HMCN1: variants seen among roughly 807,000 people sequenced by gnomAD.
HMCN1 encodes the protein hemicentin-1.
In HMCN1, 321 loss-of-function variants were observed where a neutral mutation model predicts 625.9. The ratio of observed to expected loss-of-function variants is 0.51; its 90% CI spans 0.47 to 0.56. HMCN1 has a LOEUF of 0.56. Among genes scored for constraint, HMCN1 ranks in the 20% least tolerant of loss-of-function variants. The probability of loss-of-function intolerance (pLI) is 0.00; values close to 1 mark genes in which losing one functional copy is unlikely to be tolerated. For missense variants in HMCN1, 6,588 were observed against 6,887.3 expected (o/e 0.96, Z 1.54); for synonymous variants, 2,425 against 2,417.6 (o/e 1.00, Z -0.09).
At chr1:185,846,974 T>A (rs1661860672) in intron 2 of HMCN1, among the ~76,000 whole-genome samples, 1 of 152,144 alleles carries the variant, frequency 6.6e-6, no homozygotes, top group Admixed American at 6.5e-5. Context: ...AATTCAGACA[T>A]CTTAATCAAC....
intron 30 of HMCN1, among the ~76,000 whole-genome samples, chr1:186,013,914 T>C (rs1414805840): frequency 6.6e-6 from 1 of 152,094 alleles, no homozygotes; most frequent in Non-Finnish European, 1.5e-5. Flanking sequence ...AGAAGAATTA[T>C]AAATAAATTA....
Position 186,070,722 on chromosome 1 carries a change from C to A in HMCN1, c.8104C>A (p.Pro2702Thr). 1 of 1,613,870 alleles carries A rather than the reference C, an allele frequency of 6.2e-7. No homozygotes were observed. Among genetic ancestry groups the A allele is most frequent in the Non-Finnish European group, 8.5e-7 (1 of 1,179,838 alleles). The change falls in exon 52 of 107, where the codon CCT (proline) becomes ACT (threonine). Residue 2702 changes from proline to threonine, a missense_variant. By Grantham distance (38) the Pro-to-Thr change is conservative. Transcript: ENST00000271588. ...LTLECEAYAIPSASLSWYKDG... is the reference protein window; with the variant it reads ...LTLECEAYAITSASLSWYKDG... ...CTTGGAATGTGAAGCGTATGCAATTCCTTCTGCCTCCCTCAGCTGGTACAA... is the reference window on the plus strand; with the variant it reads ...CTTGGAATGTGAAGCGTATGCAATTACTTCTGCCTCCCTCAGCTGGTACAA...
Position 185,734,581 on chromosome 1 carries a change from C to T in HMCN1, c.-199C>T, listed in dbSNP as rs1448211857. 11 of 602,986 alleles carry T rather than the reference C, an allele frequency of 1.8e-5. No individual in the cohort carries two copies. The highest frequency in any genetic ancestry group is 7.4e-5 in the African/African-American group (4 of 54,020). The allele number at this position is 602,986 out of a possible 1,614,324, so 37.4% of individuals were successfully genotyped here. A position where few individuals can be genotyped will look rare whatever the true frequency, so the allele number is the denominator to read the frequency against. On this transcript the variant is annotated 5_prime_UTR_variant, in exon 1 of 107. Coordinates refer to ENST00000271588, the MANE Select transcript of HMCN1 (RefSeq NM_031935.3). The stretch of plus-strand genomic sequence containing the variant: ...CGCATCCAGACAAAAGCTGCCGCAT[C>T]CCTGCCCTGCCCAACCCCTGGAGGG...
intron 6 of HMCN1, among the ~76,000 whole-genome samples, chr1:185,913,784 A>G (rs980136182): frequency 6.6e-6 from 1 of 152,174 alleles, no homozygotes; most frequent in Non-Finnish European, 1.5e-5. Flanking sequence ...TCAGTCATGC[A>G]TTCAATAAAC....
intron 2 of HMCN1, among the ~76,000 whole-genome samples, chr1:185,854,998 T>G (rs890032857): frequency 6.6e-6 from 1 of 152,158 alleles, no homozygotes; most frequent in Non-Finnish European, 1.5e-5. Flanking sequence ...GAGAGAAATT[T>G]CTATGGCTAG....
At chr1:185,742,103 A>G (rs1229239157) in intron 1 of HMCN1, among the ~76,000 whole-genome samples, 1 of 152,222 alleles carries the variant, frequency 6.6e-6, no homozygotes, top group African/African-American at 2.4e-5. Flanking sequence ...CCAGTTTGAA[A>G]CAGAATACTT....
intron 4 of HMCN1, among the ~76,000 whole-genome samples, chr1:185,898,341 G>A (rs1274503740): frequency 6.6e-6 from 1 of 152,138 alleles, no homozygotes; most frequent in Non-Finnish European, 1.5e-5. Context: ...TTGAGAGAGA[G>A]TCCTGAACTG....
intron 45 of HMCN1, among the ~76,000 whole-genome samples, chr1:186,056,214 T>C (rs1657309918): frequency 6.6e-6 from 1 of 152,038 alleles, no homozygotes; most frequent in South Asian, 2.1e-4. Flanking sequence ...GTAAATTTAA[T>C]GGACACAAAT....
intron 69 of HMCN1, 142 bp from the exon 70 acceptor site, chr1:186,106,742 G>T: frequency 8.7e-6 from 6 of 687,950 alleles, no homozygotes; most frequent in Non-Finnish European, 1.3e-5. Flanking sequence ...TTCTATCAGA[G>T]TGCTAATCGT....
At chr1:186,067,057 CCTTCCTAA>C (rs1658164073) in intron 49 of HMCN1, among the ~76,000 whole-genome samples, 1 of 152,132 alleles carries the variant, frequency 6.6e-6, no homozygotes, top group Non-Finnish European at 1.5e-5. Flanking sequence ...AACTATTTTC[CCTTCCTAA>C]ATGAGCAAAT....
chr1:186,153,762 G>A lies in HMCN1; in HGVS notation c.15031G>A (p.Asp5011Asn), dbSNP rs1650817221. 1 of 1,613,750 alleles carries A rather than the reference G, an allele frequency of 6.2e-7. No individual in the cohort carries two copies. Among genetic ancestry groups the A allele is most frequent in the Non-Finnish European group, 8.5e-7 (1 of 1,179,852 alleles). Residue 5011 changes from aspartate (D) to asparagine (N), a missense_variant, in exon 97 of 107, where the codon GAC becomes AAC. This residue lies in a region of HMCN1 where 1,954 missense variants were observed against 2,013.1 expected (regional missense o/e 0.97). Coordinates refer to ENST00000271588, the MANE Select transcript of HMCN1 (RefSeq NM_031935.3). ...TTGTTCTCCTTAGGATTACACAGAG[G>A]ACTACATTCAAACAGGTCCTGGGCA... ...AEVTVKDYTE[D>N]YIQTGPGQLY...
chr1:186,097,181 T>C (rs1660175165), intron 68 of HMCN1, among the ~76,000 whole-genome samples: 1 of 152,164 alleles, frequency 6.6e-6, no homozygotes, highest in Non-Finnish European at 1.5e-5. Context: ...ACAAATTCAG[T>C]AAAGTTGTGA....
At chr1:185,895,337 T>C (rs1356994498) in intron 4 of HMCN1, among the ~76,000 whole-genome samples, 2 of 152,184 alleles carry the variant, frequency 1.3e-5, no homozygotes, top group Non-Finnish European at 2.9e-5. Flanking sequence ...AATTATCCTA[T>C]ACTTCCATTT....
At chr1:186,187,303 A>G (rs941620387) in intron 105 of HMCN1, among the ~76,000 whole-genome samples, 2 of 152,152 alleles carry the variant, frequency 1.3e-5, no homozygotes, top group Non-Finnish European at 2.9e-5. Flanking sequence ...CTTACATTGT[A>G]GTGCCTGGGC....
intron 11 of HMCN1, among the ~76,000 whole-genome samples, chr1:185,959,318 G>C (rs963009197): frequency 9.2e-5 from 14 of 152,278 alleles, no homozygotes; most frequent in Non-Finnish European, 1.6e-4. Flanking sequence ...GTTTCCAAGA[G>C]TTAGGTGAGA....
intron 42 of HMCN1, among the ~76,000 whole-genome samples, chr1:186,050,271 T>A (rs778286264): frequency 6.6e-6 from 1 of 151,888 alleles, no homozygotes; most frequent in African/African-American, 2.4e-5. Flanking sequence ...GTGGACTATG[T>A]GAAGCTGTCC....
intron 61 of HMCN1, 64 bp from the exon 62 acceptor site, chr1:186,088,081 A>G: frequency 6.2e-7 from 1 of 1,609,788 alleles, no homozygotes; most frequent in South Asian, 1.1e-5. Flanking sequence ...GTTCCAAATT[A>G]GCTTAATGAG....
At chr1:186,000,669 C>T (rs758346917) in intron 26 of HMCN1, among the ~76,000 whole-genome samples, 13 of 151,036 alleles carry the variant, frequency 8.6e-5, no homozygotes, top group Admixed American at 4.6e-4. Flanking sequence ...ATTTATAAAA[C>T]GTACACATAT....
In HMCN1 at chr1:186,095,456, A is replaced by G. The variant is rs931050117; in HGVS notation, c.10508A>G (p.Lys3503Arg). 2 of 1,613,766 alleles carry G rather than the reference A, an allele frequency of 1.2e-6. No individual in the cohort carries two copies. Among genetic ancestry groups the G allele is most frequent in the Admixed American group, 3.3e-5 (2 of 59,906 alleles). Residue 3503 changes from lysine (K) to arginine (R), a missense_variant, in exon 68 of 107, where the codon AAG (lysine) becomes AGG (arginine). Lys to Arg is a conservative substitution (Grantham distance 26). Around this residue, in one of 3 missense-constraint regions of HMCN1, gnomAD observed 4,628 missense variants for 4,853.1 expected, o/e 0.95. Transcript: ENST00000271588. ...AAAGCAGAGACTGAAGATTCGGGAA[A>G]GTACACCTGCATTGCCTCAAATGAA... is the stretch of plus-strand genomic sequence containing the variant. ...LLKAETEDSG[K>R]YTCIASNEAG...
Sources: allele counts gnomAD v4.1 joint callset (sites outside exome capture counted in the v4.1 genomes callset), GRCh38; gene constraint gnomAD v4.1.1; regional missense constraint gnomAD v4.1.1; transcripts MANE v1.5; gene names NCBI Gene and HGNC (gene_info 2026-07-23, HGNC 2026-07-21).